CCDC13: variants seen among roughly 807,000 people sequenced by gnomAD.
CCDC13 encodes coiled-coil domain containing 13.
In CCDC13, 70 loss-of-function variants were observed where a neutral mutation model predicts 87.3. That is an observed-to-expected ratio of 0.80 (90% confidence interval 0.66 to 0.98). CCDC13 has a LOEUF of 0.98. Ranked by LOEUF, CCDC13 falls within the 50% of genes least tolerant of loss-of-function variation. The pLI is 0.00. For synonymous variants in CCDC13, 317 were observed against 360.3 expected, an observed-to-expected ratio of 0.88 and a Z score of 1.36; for missense variants, 842 against 892.0, an observed-to-expected ratio of 0.94 and a Z score of 0.71.
At chr3:42,717,317 T>C (rs946027744) in intron 13 of CCDC13, among the ~76,000 whole-genome samples, 2 of 151,660 alleles carry the variant, frequency 1.3e-5, no homozygotes, top group East Asian at 1.9e-4. Context: ...TCCCAACTAT[T>C]TGGGAGGCTG....
Position 42,745,918 on chromosome 3 carries a change from C to T in CCDC13, c.825+5G>A. ...AGGCCAGGAGAAGTCTGATGACTCACTCACCTTGCTCTGCAAAACAAGAAT... is the reference window on the plus strand; with the variant it reads ...AGGCCAGGAGAAGTCTGATGACTCATTCACCTTGCTCTGCAAAACAAGAAT... On this transcript the variant is annotated splice_donor_5th_base_variant and intron_variant, in intron 7 of 15. Transcript: ENST00000310232. The T allele has an allele frequency of 1.9e-6, 3 of 1,609,620 alleles. No homozygotes were observed. The South Asian group carries it at 3.3e-5, about 18-fold the overall frequency.
intron 8 of CCDC13, among the ~76,000 whole-genome samples, chr3:42,740,456 G>C (rs1436952806): frequency 3.3e-5 from 5 of 152,138 alleles, no homozygotes; most frequent in Non-Finnish European, 7.3e-5. Context: ...TTTCCTGAGG[G>C]CCTACTATGG....
chr3:42,761,795 C>T (rs188162730), intron 1 of CCDC13, among the ~76,000 whole-genome samples: 1 of 152,244 alleles, frequency 6.6e-6, no homozygotes. Flanking sequence ...TAACTTCTAG[C>T]TAGTTGTGTT....
intron 13 of CCDC13, chr3:42,714,001 C>T (rs78906643): frequency 3.9e-5 from 6 of 152,294 alleles, no homozygotes; most frequent in Non-Finnish European, 8.8e-5. Context: ...AATCCAGTTC[C>T]AGGTAGTTGA....
rs1199723437 is a variant in CCDC13, at chr3:42,707,366, A to G, written c.*1614T>C. Among the ~76,000 whole-genome samples, 1 of 152,134 alleles carries G rather than the reference A, an allele frequency of 6.6e-6. No homozygotes were observed. The highest frequency in any genetic ancestry group is 1.5e-5 in the Non-Finnish European group (1 of 68,006). On this transcript the variant is annotated 3_prime_UTR_variant, in exon 16 of 16. Coordinates refer to ENST00000310232, the MANE Select transcript of CCDC13 (RefSeq NM_144719.4). ...CCAGAGACCCTTAGGACCCCACCAG[A>G]ATCATCAGTTCATCCCGGTGGCCTT...
At position 42,713,288 on chromosome 3, in the gene CCDC13, C is replaced by T. The variant is rs1361035303; in HGVS notation, c.1747G>A (p.Glu583Lys). 1.9e-6 allele frequency: 3 copies of T among 1,614,002 alleles called. No individual in the cohort carries two copies. Among genetic ancestry groups the T allele is most frequent in the Admixed American group, 3.3e-5 (2 of 59,992 alleles). The change falls in exon 14 of 16, where the codon GAG becomes AAG. Residue 583 changes from glutamate to lysine, a missense_variant. Physicochemically the swap from Glu to Lys is moderately conservative, Grantham distance 56. Coordinates refer to ENST00000310232, the MANE Select transcript of CCDC13 (RefSeq NM_144719.4). ...TCCTCCTGCAGCTTCCTCTCTGACT[C>T]CAGGAGCTTGCTGTTGCTCTCCTCC... ...RVEESNSKLL[E>K]SERKLQEERH...
At position 42,709,124 on chromosome 3, in the gene CCDC13, C is replaced by T; in HGVS notation, c.2004G>A (p.Val668=). The T allele has an allele frequency of 1.2e-6, 2 of 1,611,824 alleles. No individual in the cohort carries two copies. Among genetic ancestry groups the T allele is most frequent in the Non-Finnish European group, 1.7e-6 (2 of 1,178,754 alleles). ...CAGCCTTTAGCATTTCATTCTCCTC[C>T]ACCTGGATGGCCAGCCTGGACCACA... The part of the protein sequence containing the change: ...EELTTRLAIQ[V]EENEMLKAAL... Residue 668 remains valine, a synonymous_variant, in exon 16 of 16, where the codon GTG becomes GTA. Coordinates refer to ENST00000310232, the MANE Select transcript of CCDC13 (RefSeq NM_144719.4).
rs556028100 is a variant in CCDC13 at position 42,756,589 on chromosome 3, C to CT, written c.370+476dup. Among the ~76,000 whole-genome samples the CT allele has an allele frequency of 2.7e-3, 379 of 142,620 alleles. 1 individual carries two copies. Among genetic ancestry groups the CT allele is most frequent in the African/African-American group, 7.9e-3 (310 of 39,024 alleles). The allele number at this position is 142,620 out of a possible 152,430, so 93.6% of individuals were successfully genotyped here. ...GAGTTCATACCTGGCTCTACTGGGG[C>CT]TTTTTTTTTTTTCAAGACAGGATCT... On this transcript the variant is annotated intron_variant, in intron 3 of 15. Transcript: ENST00000310232.
intron 1 of CCDC13, chr3:42,770,949 A>G (rs1381820545): frequency 2.0e-5 from 3 of 152,284 alleles, no homozygotes; most frequent in Non-Finnish European, 2.9e-5. Context: ...AAGAACTGTA[A>G]TAACACTCAC....
intron 12 of CCDC13, among the ~76,000 whole-genome samples, chr3:42,731,821 G>C (rs1698840214): frequency 6.6e-6 from 1 of 152,186 alleles, no homozygotes; most frequent in African/African-American, 2.4e-5. Context: ...TGTGGGAGGG[G>C]ACTGTAAGCT....
intron 13 of CCDC13, among the ~76,000 whole-genome samples, chr3:42,727,124 C>A (rs1698708708): frequency 6.6e-6 from 1 of 152,196 alleles, no homozygotes; most frequent in Non-Finnish European, 1.5e-5. Flanking sequence ...TTACTCCCAG[C>A]ACTTTGGGAG....
At chr3:42,716,655 C>T (rs768273785) in intron 13 of CCDC13, among the ~76,000 whole-genome samples, 4 of 152,072 alleles carry the variant, frequency 2.6e-5, no homozygotes, top group Non-Finnish European at 5.9e-5. Flanking sequence ...TTCAAACCTA[C>T]TAGGATGGCT....
chr3:42,710,403 G>A (rs549815931), intron 14 of CCDC13, among the ~76,000 whole-genome samples: 46 of 152,246 alleles, frequency 3.0e-4, no homozygotes, highest in African/African-American at 9.9e-4. Context: ...TGAGCCTGAG[G>A]TCTGGCCTGC....
chr3:42,711,463 A>G (rs1304442983), intron 14 of CCDC13, among the ~76,000 whole-genome samples: 1 of 145,756 alleles, frequency 6.9e-6, no homozygotes, highest in East Asian at 2.0e-4. Flanking sequence ...GAAAAAAAGG[A>G]TAATAGTTTA....
chr3:42,717,944 T>C (rs887304821), intron 13 of CCDC13: 1 of 152,212 alleles, frequency 6.6e-6, no homozygotes, highest in Non-Finnish European at 1.5e-5. Flanking sequence ...GTTACCCAGC[T>C]GGGTCTAACG....
At chr3:42,743,434 T>C (rs1419081265) in intron 7 of CCDC13, among the ~76,000 whole-genome samples, 1 of 138,202 alleles carries the variant, frequency 7.2e-6, no homozygotes, top group Non-Finnish European at 1.6e-5. Context: ...TTATTTATTT[T>C]AGAGACAGGG....
chr3:42,747,824 G>A (rs13095730), intron 5 of CCDC13, among the ~76,000 whole-genome samples: 25,671 of 152,184 alleles, frequency 0.17, 2,235 homozygotes, highest in South Asian at 0.25. Flanking sequence ...GAATAAAGAG[G>A]AAACCACGTT....
rs539896294 is a variant in CCDC13 at position 42,769,970 on chromosome 3, G to A, written c.-7+3206C>T. ...TCCCCCTGCCACCGTGGGCTCCTGC[G>A]CGCCCCAGCCTCCCCAACGAGCGCC... On this transcript the variant is annotated intron_variant, in intron 1 of 15. Coordinates refer to ENST00000310232, the MANE Select transcript of CCDC13 (RefSeq NM_144719.4). Among the ~76,000 whole-genome samples the A allele has an allele frequency of 1.5e-3, 221 of 152,332 alleles. 1 individual carries two copies. The highest frequency in any genetic ancestry group is 0.01 in the Middle Eastern group (3 of 294).
At chr3:42,712,670 T>C (rs1335636307) in intron 14 of CCDC13, among the ~76,000 whole-genome samples, 1 of 152,156 alleles carries the variant, frequency 6.6e-6, no homozygotes, top group Non-Finnish European at 1.5e-5. Flanking sequence ...GGAAGCTGCA[T>C]GTTGAGAACA....
Sources: gnomAD v4.1 joint callset for allele counts (sites outside exome capture counted in the v4.1 genomes callset) on GRCh38, gnomAD v4.1.1 for gene constraint, MANE v1.5 for transcripts, NCBI Gene and HGNC (gene_info 2026-07-23, HGNC 2026-07-21) for gene names.